Variants in GDPD4 observed in about 807,000 individuals in gnomAD.
The protein encoded by GDPD4 is glycerophosphodiester phosphodiesterase domain containing 4, also known as glycerophosphodiester phosphodiesterase 6.
A neutral mutation model predicts 67.8 loss-of-function variants in GDPD4; 60 were observed. The ratio of observed to expected loss-of-function variants is 0.88; its 90% CI spans 0.72 to 1.10. The LOEUF is 1.10. Ranked by LOEUF, GDPD4 falls within the 50% of genes least tolerant of loss-of-function variation. The pLI, the probability that GDPD4 is intolerant of heterozygous loss-of-function variation, is 0.00. For missense variants in GDPD4, 623 were observed against 613.9 expected, an observed-to-expected ratio of 1.01 and a Z score of -0.16; for synonymous variants, 212 against 210.9, an observed-to-expected ratio of 1.00 and a Z score of -0.04.
chr11:77,288,196 A>C (rs1423670954), intron 1 of GDPD4, among the ~76,000 whole-genome samples: 1 of 152,096 alleles, frequency 6.6e-6, no homozygotes, highest in Non-Finnish European at 1.5e-5. Context: ...GCACCAGTGC[A>C]TGTTACCTGG....
At chr11:77,291,971 G>A (rs550530586) in intron 1 of GDPD4, among the ~76,000 whole-genome samples, 160 of 152,146 alleles carry the variant, frequency 1.1e-3, no homozygotes, top group African/African-American at 3.7e-3. Flanking sequence ...TGGAGGTTGC[G>A]GTGAGCCAAG....
intron 4 of GDPD4, among the ~76,000 whole-genome samples, chr11:77,277,488 C>T (rs1473069552): frequency 7.0e-6 from 1 of 142,168 alleles, no homozygotes; most frequent in Non-Finnish European, 1.5e-5. Context: ...GTGCAAGCTC[C>T]GCCTCCCAGG....
intron 10 of GDPD4, among the ~76,000 whole-genome samples, chr11:77,260,329 G>A (rs2187381): frequency 2.8e-5 from 4 of 142,464 alleles, no homozygotes; most frequent in Admixed American, 2.1e-4. Context: ...GGTCGGGGGA[G>A]GGGGGGGAAT....
intron 16 of GDPD4, among the ~76,000 whole-genome samples, chr11:77,218,234 TTCTC>T (rs929096917): frequency 6.9e-6 from 1 of 145,912 alleles, no homozygotes; most frequent in African/African-American, 2.8e-5. Flanking sequence ...TGGGCATTCT[TTCTC>T]TCACTAAAGT....
At chr11:77,267,059 C>T (rs1454388497) in intron 10 of GDPD4, among the ~76,000 whole-genome samples, 1 of 152,150 alleles carries the variant, frequency 6.6e-6, no homozygotes, top group Non-Finnish European at 1.5e-5. Flanking sequence ...ATGGTAAATG[C>T]CCTATACAGG....
intron 1 of GDPD4, among the ~76,000 whole-genome samples, chr11:77,291,107 G>A (rs1338305159): frequency 6.6e-6 from 1 of 152,196 alleles, no homozygotes; most frequent in African/African-American, 2.4e-5. Flanking sequence ...TGCAAAGATA[G>A]AGAACCACCC....
chr11:77,224,008 G>C (rs1012031975), intron 16 of GDPD4, among the ~76,000 whole-genome samples: 1 of 152,200 alleles, frequency 6.6e-6, no homozygotes, highest in Non-Finnish European at 1.5e-5. Flanking sequence ...ACCAGGCAGG[G>C]ATATAATCTC....
chr11:77,227,710 C>A (rs1166243479), intron 16 of GDPD4, among the ~76,000 whole-genome samples, 154 bp downstream of exon 16: 2 of 152,160 alleles, frequency 1.3e-5, no homozygotes, highest in African/African-American at 4.8e-5. Context: ...AGAATCTATG[C>A]CCAGCCTATA....
rs1959049629 is a variant in GDPD4, at chr11:77,258,561, A to C, written c.708-19T>G. The C allele has an allele frequency of 1.2e-6, 2 of 1,613,342 alleles. No individual in the cohort carries two copies. The highest frequency in any genetic ancestry group is 1.7e-5 in the Admixed American group (1 of 59,998). On this transcript the variant is annotated intron_variant, in intron 10 of 16. Coordinates refer to ENST00000315938, the MANE Select transcript of GDPD4 (RefSeq NM_182833.3). ...ATCATAACTGAGGCAGAGGTAGAAA[A>C]GAAGGGCAGGGGTAGATAGGCTGAA...
At chr11:77,229,350 A>G in intron 14 of GDPD4, 118 bp from the exon 15 acceptor site, 1 of 610,784 alleles carries the variant, frequency 1.6e-6, no homozygotes, top group Non-Finnish European at 2.9e-6. Flanking sequence ...GGGGATAGAC[A>G]GGCCAAGGAA....
chr11:77,225,747 G>T (rs114151625), intron 16 of GDPD4, among the ~76,000 whole-genome samples: 12 of 152,160 alleles, frequency 7.9e-5, no homozygotes, highest in Admixed American at 7.9e-4. Context: ...GGTAGACATG[G>T]CATCAGTAGG....
At chr11:77,268,387 C>T in intron 10 of GDPD4, 70 bp downstream of exon 10, 1 of 1,049,794 alleles carries the variant, frequency 9.5e-7, no homozygotes, top group South Asian at 1.3e-5. Flanking sequence ...AACCTCAGGC[C>T]AGGCTGGTTC....
At chr11:77,298,565 T>C (rs1938056433) in intron 1 of GDPD4, among the ~76,000 whole-genome samples, 2 of 152,136 alleles carry the variant, frequency 1.3e-5, no homozygotes, top group Admixed American at 6.6e-5. Flanking sequence ...CTGGGATAGA[T>C]AGAAAGGGAA....
intron 8 of GDPD4, 132 bp downstream of exon 8, chr11:77,269,751 C>T: frequency 1.7e-6 from 1 of 599,084 alleles, no homozygotes; most frequent in Non-Finnish European, 3.0e-6. Flanking sequence ...AGAGCCTGTA[C>T]ACAATGCCTG....
intron 3 of GDPD4, among the ~76,000 whole-genome samples, chr11:77,283,745 G>T (rs1042488532): frequency 6.7e-6 from 1 of 150,104 alleles, no homozygotes; most frequent in Non-Finnish European, 1.5e-5. Context: ...ATTTCATCAA[G>T]AAAACATTAT....
chr11:77,229,350 A>T, intron 14 of GDPD4, 118 bp from the exon 15 acceptor site: 1 of 610,784 alleles, frequency 1.6e-6, no homozygotes, highest in South Asian at 2.4e-5. Flanking sequence ...GGGGATAGAC[A>T]GGCCAAGGAA....
chr11:77,247,235 A>G (rs1212561907), intron 11 of GDPD4, among the ~76,000 whole-genome samples: 3 of 152,180 alleles, frequency 2.0e-5, no homozygotes, highest in African/African-American at 7.2e-5. Flanking sequence ...GGTTTTCTTA[A>G]TTCTCAGGAC....
intron 2 of GDPD4, 67 bp downstream of exon 2, chr11:77,287,151 G>A (rs1427925498): frequency 2.0e-5 from 3 of 152,186 alleles, no homozygotes; most frequent in Non-Finnish European, 4.4e-5. Flanking sequence ...GCCCTCATGG[G>A]GCCCAGCAGT....
At chr11:77,237,451 A>G (rs1958589148) in intron 13 of GDPD4, among the ~76,000 whole-genome samples, 1 of 152,228 alleles carries the variant, frequency 6.6e-6, no homozygotes, top group African/African-American at 2.4e-5. Flanking sequence ...AACTTGAACT[A>G]ATTGATATTT....
Sources: gnomAD v4.1 joint callset for allele counts (sites outside exome capture counted in the v4.1 genomes callset) on GRCh38, gnomAD v4.1.1 for gene constraint, MANE v1.5 for transcripts, NCBI Gene and HGNC (gene_info 2026-07-23, HGNC 2026-07-21) for gene names.